The following KANSL1L variants were observed in gnomAD, a reference collection of about 807,000 sequenced individuals.
The protein encoded by KANSL1L is KAT8 regulatory NSL complex subunit 1 like.
A neutral mutation model predicts 108.6 loss-of-function variants in KANSL1L; 25 were observed. The observed-to-expected ratio is 0.23, with a 90% CI of 0.17 to 0.32. The LOEUF (loss-of-function observed/expected upper bound fraction) is 0.32, where lower values mean the gene tolerates loss of function less well. Ranked by LOEUF, KANSL1L falls within the 10% of genes least tolerant of loss-of-function variation. KANSL1L has a pLI of 1.00. For synonymous variants in KANSL1L, 405 were observed against 395.1 expected (o/e 1.03, Z -0.30); for missense variants, 1,137 against 1,125.7 (o/e 1.01, Z -0.14).
chr2:210,156,695 T>C (rs972976002), intron 1 of KANSL1L, among the ~76,000 whole-genome samples: 6 of 152,084 alleles, frequency 3.9e-5, no homozygotes, highest in African/African-American at 1.4e-4. Context: ...TACTAGTAGT[T>C]GCATCAAGTT....
At position 210,098,070 on chromosome 2, in the gene KANSL1L, T is replaced by G. The variant is rs1298416211; in HGVS notation, c.1550+16A>C. 6 of 1,587,294 alleles carry G rather than the reference T, an allele frequency of 3.8e-6. No homozygotes were observed. Among genetic ancestry groups the G allele is most frequent in the Non-Finnish European group, 5.1e-6 (6 of 1,167,704 alleles). The stretch of plus-strand genomic sequence containing the variant: ...AAAGTTGAATTTAAAAGCTAAGCTA[T>G]TCCATTGATACCTACCTCCTGTAAA... On this transcript the variant is annotated intron_variant, in intron 5 of 14. Transcript: ENST00000281772.
Position 210,154,496 on chromosome 2 carries a change from G to A in KANSL1L, c.87C>T (p.Tyr29=), listed in dbSNP as rs746686535. The A allele has an allele frequency of 1.8e-5, 29 of 1,609,768 alleles. No individual in the cohort carries two copies. The highest frequency in any genetic ancestry group is 2.3e-5 in the Non-Finnish European group (27 of 1,177,942). Residue 29 remains tyrosine (Y), a synonymous_variant, in exon 2 of 15, where the codon TAC becomes TAT. Coordinates refer to ENST00000281772, the MANE Select transcript of KANSL1L (RefSeq NM_152519.4). ...CATCTACAGTTCTGGGACTTTCCAT[G>A]TAGAGCATCTTGTCAGACTCCATGG... ...PSTMESDKML[Y]MESPRTVDEK...
chr2:210,081,037 G>A (rs1418239555), intron 5 of KANSL1L, among the ~76,000 whole-genome samples: 1 of 151,812 alleles, frequency 6.6e-6, no homozygotes, highest in Non-Finnish European at 1.5e-5. Flanking sequence ...AACCAGGGAG[G>A]TGAAGGTTGC....
At chr2:210,133,672 T>C (rs565740624) in intron 2 of KANSL1L, among the ~76,000 whole-genome samples, 1 of 152,204 alleles carries the variant, frequency 6.6e-6, no homozygotes, top group African/African-American at 2.4e-5. Context: ...CCTTTCCTAA[T>C]ACAAACATGT....
intron 5 of KANSL1L, among the ~76,000 whole-genome samples, chr2:210,081,436 G>C (rs1274575772): frequency 6.6e-6 from 1 of 152,158 alleles, no homozygotes; most frequent in African/African-American, 2.4e-5. Flanking sequence ...GCTCCTGCAT[G>C]ATCTCCCTCC....
At chr2:210,027,228 A>G in intron 12 of KANSL1L, 68 bp downstream of exon 12, 1 of 1,027,914 alleles carries the variant, frequency 9.7e-7, no homozygotes, top group Non-Finnish European at 1.5e-6. Flanking sequence ...TAGTTCCCTG[A>G]ATGTCAAAGT....
rs191829807 is a variant in KANSL1L, at chr2:210,025,548, C to T, written c.2452-332G>A. The stretch of plus-strand genomic sequence containing the variant: ...CCAGCCTGGGTGACAGGGCGAGACT[C>T]TGTCTCAAAAAAAGAAATATAAGAT... On this transcript the variant is annotated intron_variant, in intron 12 of 14. Coordinates refer to ENST00000281772, the MANE Select transcript of KANSL1L (RefSeq NM_152519.4). Among the ~76,000 whole-genome samples, 829 of 152,208 alleles carry T rather than the reference C, an allele frequency of 5.4e-3. 5 individuals are homozygous for T. Among genetic ancestry groups the T allele is most frequent in the South Asian group, 0.012 (58 of 4,830 alleles).
At chr2:210,027,479 CT>C (rs2093954077) in intron 11 of KANSL1L, 129 bp from the exon 12 acceptor site, 1 of 621,360 alleles carries the variant, frequency 1.6e-6, no homozygotes, top group Non-Finnish European at 2.9e-6. Context: ...TATTTTAATA[CT>C]TAATTTTTTA....
chr2:210,028,411 T>TG (rs1431998350), intron 11 of KANSL1L: 2 of 150,036 alleles, frequency 1.3e-5, no homozygotes, highest in Admixed American at 1.3e-4. Flanking sequence ...ATCTTTTTTT[T>TG]TTTTTTTTTT....
At chr2:210,066,084 T>A (rs1200842536) in intron 6 of KANSL1L, among the ~76,000 whole-genome samples, 1 of 152,230 alleles carries the variant, frequency 6.6e-6, no homozygotes, top group Non-Finnish European at 1.5e-5. Context: ...TGCCCTTGTA[T>A]AGTCCCTCCT....
intron 8 of KANSL1L, among the ~76,000 whole-genome samples, chr2:210,037,328 T>C (rs1200150651): frequency 1.3e-5 from 2 of 152,186 alleles, no homozygotes; most frequent in Non-Finnish European, 2.9e-5. Flanking sequence ...ATGATACTTA[T>C]CATCATAATG....
At chr2:210,024,783 G>C (rs1347429401) in intron 13 of KANSL1L, among the ~76,000 whole-genome samples, 4 of 152,078 alleles carry the variant, frequency 2.6e-5, no homozygotes, top group African/African-American at 7.2e-5. Flanking sequence ...CCAGTCCCCA[G>C]TGTGAGGTCC....
intron 3 of KANSL1L, among the ~76,000 whole-genome samples, chr2:210,115,546 G>A (rs941502453): frequency 6.6e-5 from 10 of 152,120 alleles, no homozygotes; most frequent in African/African-American, 1.2e-4. Flanking sequence ...AACCCACTGA[G>A]ACGCCAAAAC....
chr2:210,024,302 CT>C, intron 13 of KANSL1L, 101 bp from the exon 14 acceptor site: 3 of 863,156 alleles, frequency 3.5e-6, no homozygotes, highest in Non-Finnish European at 5.0e-6. Context: ...AACTTGGTAA[CT>C]TTAAACAGTT....
In KANSL1L at chr2:210,104,175, G is replaced by A; in HGVS notation, c.1357C>T (p.Pro453Ser). The change falls in exon 4 of 15, where the codon CCT (proline) becomes TCT (serine). Residue 453 changes from proline to serine, a missense_variant. This residue lies in a region of KANSL1L where 556 missense variants were observed against 537.7 expected (regional missense o/e 1.03). Coordinates refer to ENST00000281772, the MANE Select transcript of KANSL1L (RefSeq NM_152519.4). The part of the protein sequence containing the change: ...NPQVPQECQD[P>S]VPEQDFEMSP... ...ATTTCAAAATCTTGTTCCGGTACAGGATCTTGACACTCCTGGGGAACCTGA... is the reference window on the plus strand; with the variant it reads ...ATTTCAAAATCTTGTTCCGGTACAGAATCTTGACACTCCTGGGGAACCTGA... The A allele has an allele frequency of 1.2e-6, 2 of 1,613,950 alleles. No homozygotes were observed. Among genetic ancestry groups the A allele is most frequent in the South Asian group, 2.2e-5 (2 of 91,088 alleles).
At chr2:210,129,255 C>A in intron 2 of KANSL1L, 83 bp from the exon 3 acceptor site, 1 of 1,237,794 alleles carries the variant, frequency 8.1e-7, no homozygotes, top group Non-Finnish European at 1.1e-6. Flanking sequence ...CCTTAACTCC[C>A]ATCATAAAAG....
At chr2:210,164,241 C>T (rs1467386311) in intron 1 of KANSL1L, among the ~76,000 whole-genome samples, 1 of 152,128 alleles carries the variant, frequency 6.6e-6, no homozygotes, top group African/African-American at 2.4e-5. Flanking sequence ...GATCAACTAT[C>T]GACTACTATA....
Position 210,022,872 on chromosome 2 carries a change from G to A in KANSL1L, c.*77C>T. The A allele has an allele frequency of 4.3e-6, 4 of 929,338 alleles. No homozygotes were observed. The highest frequency in any genetic ancestry group is 6.9e-6 in the Non-Finnish European group (4 of 581,096). The allele number at this position is 929,338 out of a possible 1,614,324, so 57.6% of individuals were successfully genotyped here. ...GCAGAACATGCTCTTATTCTGGAGG[G>A]GATGGGGGATCCAGAACAGGGCTTT... On this transcript the variant is annotated 3_prime_UTR_variant, in exon 15 of 15. Coordinates refer to ENST00000281772, the MANE Select transcript of KANSL1L (RefSeq NM_152519.4).
chr2:210,085,127 A>G (rs1177718245), intron 5 of KANSL1L, among the ~76,000 whole-genome samples: 1 of 152,212 alleles, frequency 6.6e-6, no homozygotes, highest in Non-Finnish European at 1.5e-5. Context: ...ATTAAATGTG[A>G]TAATAAAGTG....
Sources: allele counts gnomAD v4.1 joint callset (sites outside exome capture counted in the v4.1 genomes callset), GRCh38; gene constraint gnomAD v4.1.1; regional missense constraint gnomAD v4.1.1; transcripts MANE v1.5; gene names NCBI Gene and HGNC (gene_info 2026-07-23, HGNC 2026-07-21).